ADAM8: variants seen among roughly 807,000 people sequenced by gnomAD.
The protein encoded by ADAM8 is disintegrin and metalloproteinase domain-containing protein 8.
Under a neutral mutation model 102.4 loss-of-function variants are expected in ADAM8, and 104 were observed. That is an observed-to-expected ratio of 1.02 (90% CI 0.87 to 1.20). The LOEUF (loss-of-function observed/expected upper bound fraction) is 1.20, where lower values mean the gene tolerates loss of function less well. Ranked by LOEUF, ADAM8 falls within the 50% of genes most tolerant of loss-of-function variation. The pLI is 0.00. For synonymous variants in ADAM8, 517 were observed against 485.2 expected, an observed-to-expected ratio of 1.07 and a Z score of -0.86; for missense variants, 1,132 against 1,159.0, an observed-to-expected ratio of 0.98 and a Z score of 0.34.
In ADAM8 at chr10:133,267,347, C is replaced by T. The variant is rs1846356449; in HGVS notation, c.2319+5G>A. 6.2e-7 allele frequency: 1 copy of T among 1,606,568 alleles called. No homozygotes were observed. Among genetic ancestry groups the T allele is most frequent in the East Asian group, 2.2e-5 (1 of 44,598 alleles). On this transcript the variant is annotated splice_donor_5th_base_variant and intron_variant, in intron 21 of 22. Transcript: ENST00000445355. The stretch of plus-strand genomic sequence containing the variant: ...AGGCTTGGCCGCCCAATCACCACTG[C>T]TCACCTGCTTTGGTGCCTGCCGGGT...
In ADAM8 at chr10:133,269,458, A is replaced by G. The variant is rs1846443801; in HGVS notation, c.1935T>C (p.Thr645=). Reference sequence around the variant, plus strand: ...AGGGAGGCCTACCTGCGTGCACCTCAGTCAGCAGCTTCGCGCAGTGGGGCG... The same window carrying G: ...AGGGAGGCCTACCTGCGTGCACCTCGGTCAGCAGCTTCGCGCAGTGGGGCG... The part of the protein sequence containing the change: ...WAPPHCAKLL[T]EVHAASGSLP... The change falls in exon 18 of 23, where the codon ACT becomes ACC. Residue 645 remains threonine, a synonymous_variant. Coordinates refer to ENST00000445355, the MANE Select transcript of ADAM8 (RefSeq NM_001109.5). 3 of 1,598,194 alleles carry G rather than the reference A, an allele frequency of 1.9e-6. No individual in the cohort carries two copies.
rs561598864 is a variant in ADAM8, at chr10:133,270,821, C to T, written c.1565-16G>A. ...GCCTGCCCACCTGTGGGACCAGAAG[C>T]GGGTTAGCCCTGGCAAGGCCTGCAG... is the stretch of plus-strand genomic sequence containing the variant. On this transcript the variant is annotated splice_polypyrimidine_tract_variant and intron_variant, in intron 14 of 22. Transcript: ENST00000445355. 16 of 1,611,322 alleles carry T rather than the reference C, an allele frequency of 9.9e-6. No homozygotes were observed. Among genetic ancestry groups the T allele is most frequent in the Middle Eastern group, 1.7e-4 (1 of 6,050 alleles).
At chr10:133,270,282 A>G in intron 16 of ADAM8, 78 bp downstream of exon 16, 1 of 1,515,762 alleles carries the variant, frequency 6.6e-7, no homozygotes, top group Non-Finnish European at 8.9e-7. Flanking sequence ...TGCCAAGCTC[A>G]GAAACGCATC....
intron 20 of ADAM8, 51 bp from the exon 21 acceptor site, chr10:133,267,468 C>T: frequency 2.6e-6 from 4 of 1,514,072 alleles, no homozygotes; most frequent in Non-Finnish European, 2.7e-6. Flanking sequence ...CCCCCGTGCC[C>T]CTCCAGCACC....
Position 133,276,806 on chromosome 10 carries a change from G to A in ADAM8, c.12C>T (p.Leu4=). ...TCATCGCGCCCAGCAGCCAGAGCCC[G>A]AGGCCGCGCATGGCCGGGTCGGGGA... MRG[L]GLWLLGAMML... is the part of the protein sequence containing the mutation. The change falls in exon 1 of 23, where the codon CTC becomes CTT. Residue 4 remains leucine (L), a synonymous_variant. Coordinates refer to ENST00000445355, the MANE Select transcript of ADAM8 (RefSeq NM_001109.5). 6.5e-7 allele frequency: 1 copy of A among 1,529,998 alleles called. No homozygotes were observed. Among genetic ancestry groups the A allele is most frequent in the Non-Finnish European group, 8.8e-7 (1 of 1,141,310 alleles). 94.8% of individuals were successfully genotyped at this position (1,529,998 alleles called of 1,614,324 possible). A position where few individuals can be genotyped will look rare whatever the true frequency, so the allele number is the denominator to read the frequency against.
At position 133,267,251 on chromosome 10, in the gene ADAM8, C is replaced by T; in HGVS notation, c.2319+101G>A. The T allele has an allele frequency of 4.5e-6, 6 of 1,332,204 alleles. No homozygotes were observed. The South Asian group carries it at 7.5e-5, about 17-fold the overall frequency. The allele number at this position is 1,332,204 out of a possible 1,614,324, so 82.5% of individuals were successfully genotyped here. ...AGCCTTCTGTGTACAGCAGGGGCCA[C>T]CTGGGGATCCCTGGCCCCCGGTGCA... On this transcript the variant is annotated intron_variant, in intron 21 of 22. Coordinates refer to ENST00000445355, the MANE Select transcript of ADAM8 (RefSeq NM_001109.5).
intron 2 of ADAM8, chr10:133,274,841 C>A (rs1426153393): frequency 2.3e-6 from 1 of 433,590 alleles, no homozygotes; most frequent in Non-Finnish European, 4.7e-6. Context: ...GCATCTCCAG[C>A]CCCCATGTGC....
chr10:133,270,412 T>C lies in ADAM8; in HGVS notation c.1733A>G (p.Asp578Gly), dbSNP rs771599460. 1.9e-6 allele frequency: 3 copies of C among 1,602,220 alleles called. No homozygotes were observed. The African/African-American group carries it at 4.0e-5, about 21-fold the overall frequency. Residue 578 changes from aspartate (D) to glycine (G), a missense_variant, in exon 16 of 23, where the codon GAT (aspartate) becomes GGT (glycine). Coordinates refer to ENST00000445355, the MANE Select transcript of ADAM8 (RefSeq NM_001109.5). Reference sequence around the variant, plus strand: ...GGGCACTGGTTCATACGCAGTGCCATCCTCTGTGGTGAGCGCGTGGCACAC... The same window carrying C: ...GGGCACTGGTTCATACGCAGTGCCACCCTCTGTGGTGAGCGCGTGGCACAC... ...VDVCHALTTE[D>G]GTAYEPVPEG... is the part of the protein sequence containing the mutation.
At chr10:133,265,151 C>T (rs1846286499) in intron 21 of ADAM8, among the ~76,000 whole-genome samples, 1 of 147,162 alleles carries the variant, frequency 6.8e-6, no homozygotes, top group Admixed American at 6.8e-5. Flanking sequence ...TGCCCAGCTC[C>T]TGCTGCAGCC....
chr10:133,275,897 G>C, intron 1 of ADAM8: 1 of 317,534 alleles, frequency 3.1e-6, no homozygotes, highest in Non-Finnish European at 5.8e-6. Flanking sequence ...GGGGCCCGAG[G>C]GCAAGGATGA....
chr10:133,274,968 G>A (rs1232166543), intron 2 of ADAM8: 3 of 375,042 alleles, frequency 8.0e-6, no homozygotes, highest in South Asian at 1.9e-5. Context: ...GTAAGGACAG[G>A]GCTGGGGCCG....
At chr10:133,264,720 C>A (rs1291091469) in intron 21 of ADAM8, among the ~76,000 whole-genome samples, 1 of 147,314 alleles carries the variant, frequency 6.8e-6, no homozygotes, top group Non-Finnish European at 1.5e-5. Flanking sequence ...GTTCCTGCTG[C>A]AGCCTCTGCC....
chr10:133,269,610 C>T, intron 17 of ADAM8, 81 bp from the exon 18 acceptor site: 2 of 1,361,820 alleles, frequency 1.5e-6, no homozygotes, highest in Non-Finnish European at 9.8e-7. Context: ...GCATGAGGGC[C>T]CCGGGCCAGC....
In ADAM8 at chr10:133,267,266, C is replaced by T. The variant is rs1230188346; in HGVS notation, c.2319+86G>A. 4.7e-5 allele frequency: 66 copies of T among 1,419,164 alleles called. 1 individual carries two copies. The Admixed American group carries it at 1.3e-3, about 28-fold the overall frequency. 87.9% of individuals were successfully genotyped at this position (1,419,164 alleles called of 1,614,324 possible). ...GCAGGGGCCACCTGGGGATCCCTGGCCCCCGGTGCAGTGCACAGACCCCAA... is the reference window on the plus strand; with the variant it reads ...GCAGGGGCCACCTGGGGATCCCTGGTCCCCGGTGCAGTGCACAGACCCCAA... On this transcript the variant is annotated intron_variant, in intron 21 of 22. Coordinates refer to ENST00000445355, the MANE Select transcript of ADAM8 (RefSeq NM_001109.5).
chr10:133,273,298 G>A lies in ADAM8; in HGVS notation c.529C>T (p.Leu177Phe). ...ACGGCTGCCGTCCGGGGTCCCAGGA[G>A]GCTGCCCAGGCTGTCGTCGCTGACC... ...CGVSDDSLGS[L>F]LGPRTAAVFR... Residue 177 changes from leucine to phenylalanine, a missense_variant, in exon 6 of 23, where the codon CTC becomes TTC. Leu to Phe is a conservative substitution (Grantham distance 22, BLOSUM62 0). Transcript: ENST00000445355. 2.5e-6 allele frequency: 4 copies of A among 1,593,176 alleles called. No homozygotes were observed. The highest frequency in any genetic ancestry group is 3.4e-6 in the Non-Finnish European group (4 of 1,171,436).
intron 1 of ADAM8, 36 bp downstream of exon 1, chr10:133,276,736 G>A (rs1846770957): frequency 2.6e-6 from 4 of 1,528,056 alleles, no homozygotes; most frequent in East Asian, 5.2e-5. Flanking sequence ...ACCCTGCCCC[G>A]CGCTGCGCCC....
chr10:133,271,612 A>C lies in ADAM8; in HGVS notation c.1200T>G (p.Pro400=). 1 of 1,556,972 alleles carries C rather than the reference A, an allele frequency of 6.4e-7. No homozygotes were observed. Among genetic ancestry groups the C allele is most frequent in the Non-Finnish European group, 8.7e-7 (1 of 1,150,426 alleles). ...GGCCGCCCACCAGGTGGCTGAGGTC[A>C]GGGGCGTTGGCGAGGCACACCGACT... The part of the protein sequence containing the change: ...RPQSVCLANA[P]DLSHLVGGPV... The change falls in exon 12 of 23, where the codon CCT becomes CCG. Residue 400 remains proline, a synonymous_variant. Coordinates refer to ENST00000445355, the MANE Select transcript of ADAM8 (RefSeq NM_001109.5).
chr10:133,265,878 A>G (rs1846309746), intron 21 of ADAM8, among the ~76,000 whole-genome samples: 1 of 152,180 alleles, frequency 6.6e-6, no homozygotes, highest in African/African-American at 2.4e-5. Context: ...AATGGATGCC[A>G]AAACTAGTGG....
chr10:133,269,353 C>T, intron 18 of ADAM8, 92 bp downstream of exon 18: 3 of 1,349,862 alleles, frequency 2.2e-6, no homozygotes, highest in Non-Finnish European at 2.9e-6. Context: ...TGAACACCAC[C>T]AGCTTCCCGG....
Sources: allele counts gnomAD v4.1 joint callset (sites outside exome capture counted in the v4.1 genomes callset), GRCh38; gene constraint gnomAD v4.1.1; transcripts MANE v1.5; gene names NCBI Gene and HGNC (gene_info 2026-07-23, HGNC 2026-07-21).